The following ULK4 variants were observed in gnomAD, a reference collection of about 807,000 sequenced individuals.
ULK4 encodes the protein unc-51 like kinase 4.
ULK4 carries 133 observed loss-of-function variants against 160.6 expected under a neutral mutation model. The ratio of observed to expected loss-of-function variants is 0.83; its 90% CI spans 0.72 to 0.96. The LOEUF (loss-of-function observed/expected upper bound fraction) is 0.96. Among genes scored for constraint, ULK4 ranks in the 40% least tolerant of loss-of-function variants. The pLI is 0.00. For synonymous variants in ULK4, 534 were observed against 539.8 expected (o/e 0.99, Z 0.15); for missense variants, 1,580 against 1,499.5 (o/e 1.05, Z -0.89).
intron 36 of ULK4, 126 bp downstream of exon 36, chr3:41,249,363 C>T (rs1323904992): frequency 4.9e-6 from 4 of 821,226 alleles, no homozygotes; most frequent in East Asian, 2.8e-5. Context: ...TCTCAGTGGA[C>T]AGTGATGGGC....
rs114647128 is a variant in ULK4, at chr3:41,741,687, A to G, written c.2321+12674T>C. Among the ~76,000 whole-genome samples, 114 of 152,066 alleles carry G rather than the reference A, an allele frequency of 7.5e-4. 2 individuals carry two copies. The highest frequency in any genetic ancestry group is 2.7e-3 in the African/African-American group (110 of 41,340). ...ACCTTTTAAAAGGTTGCAGCAACTC[A>G]CATTTCCTCAAGCAGTATTTAAAAG... On this transcript the variant is annotated intron_variant, in intron 22 of 36. Coordinates refer to ENST00000301831, the MANE Select transcript of ULK4 (RefSeq NM_017886.4).
chr3:41,274,093 C>T (rs1384180894), intron 35 of ULK4, among the ~76,000 whole-genome samples: 2 of 152,134 alleles, frequency 1.3e-5, no homozygotes, highest in East Asian at 1.9e-4. Context: ...TGTAAACTCT[C>T]AAGGCAGTAA....
chr3:41,806,031 A>G (rs1313451468), intron 19 of ULK4, among the ~76,000 whole-genome samples: 65 of 143,582 alleles, frequency 4.5e-4, no homozygotes, highest in Admixed American at 1.7e-3. Flanking sequence ...CTCTTTTTCT[A>G]TTGATTGGAA....
intron 30 of ULK4, among the ~76,000 whole-genome samples, chr3:41,622,858 T>C (rs2033323389): frequency 6.6e-6 from 1 of 152,182 alleles, no homozygotes; most frequent in Non-Finnish European, 1.5e-5. Flanking sequence ...ATAGCCCAAA[T>C]ATTTCAGGCT....
At position 41,462,191 on chromosome 3, in the gene ULK4, T is replaced by C. The variant is rs372937873; in HGVS notation, c.3393+896A>G. Among the ~76,000 whole-genome samples, 90 of 152,318 alleles carry C rather than the reference T, an allele frequency of 5.9e-4. 1 individual carries two copies. The highest frequency in any genetic ancestry group is 2.0e-3 in the African/African-American group (84 of 41,572). Reference sequence around the variant, plus strand: ...TGTGGATAAAAGATATCATTTATCATAATGATGAATAACAGAGGCTATCCT... The same window carrying C: ...TGTGGATAAAAGATATCATTTATCACAATGATGAATAACAGAGGCTATCCT... On this transcript the variant is annotated intron_variant, in intron 33 of 36. Transcript: ENST00000301831.
chr3:41,880,123 A>AAAATAAATAAGTAAGTAAAAT (rs1697461168), intron 17 of ULK4, among the ~76,000 whole-genome samples: 2 of 152,180 alleles, frequency 1.3e-5, no homozygotes, highest in Non-Finnish European at 2.9e-5. Context: ...CAGTCACAAA[A>AAAATAAATAAGTAAGTAAAAT]AAAATTCCTT....
intron 31 of ULK4, among the ~76,000 whole-genome samples, chr3:41,570,355 C>T (rs2087928416): frequency 6.6e-6 from 1 of 152,150 alleles, no homozygotes; most frequent in South Asian, 2.1e-4. Flanking sequence ...AATGTGGAAG[C>T]AATGGTCTGC....
chr3:41,577,654 T>C (rs2088240594), intron 31 of ULK4, among the ~76,000 whole-genome samples: 1 of 151,758 alleles, frequency 6.6e-6, no homozygotes, highest in Admixed American at 6.6e-5. Flanking sequence ...ACCACCCTTC[T>C]ATTCTCTAGC....
chr3:41,620,295 G>A (rs578147362), intron 30 of ULK4, among the ~76,000 whole-genome samples: 2 of 152,198 alleles, frequency 1.3e-5, no homozygotes, highest in South Asian at 2.1e-4. Flanking sequence ...AAACCTGGCA[G>A]AGACACAACA....
chr3:41,747,681 G>T (rs541942327), intron 22 of ULK4, among the ~76,000 whole-genome samples: 49 of 152,176 alleles, frequency 3.2e-4, no homozygotes, highest in Non-Finnish European at 1.5e-4. Flanking sequence ...CACCATGTGG[G>T]GGGGCACCTA....
At chr3:41,461,980 C>A (rs993167022) in intron 33 of ULK4, among the ~76,000 whole-genome samples, 5 of 152,170 alleles carry the variant, frequency 3.3e-5, no homozygotes, top group Non-Finnish European at 7.4e-5. Context: ...CAATTATTTA[C>A]TGTTAATTTG....
At chr3:41,378,768 C>T (rs545358365) in intron 35 of ULK4, among the ~76,000 whole-genome samples, 3 of 150,654 alleles carry the variant, frequency 2.0e-5, no homozygotes, top group Non-Finnish European at 4.4e-5. Context: ...TACCCTAGAA[C>T]TTAAAGTATA....
chr3:41,919,606 TAA>T, intron 6 of ULK4, 109 bp downstream of exon 6: 1 of 900,208 alleles, frequency 1.1e-6, no homozygotes. Flanking sequence ...TGTCTCAAAA[TAA>T]AAAAAAATCT....
At position 41,645,184 on chromosome 3, in the gene ULK4, G is replaced by C. The variant is rs932068047; in HGVS notation, c.3071+18423C>G. Among the ~76,000 whole-genome samples the C allele has an allele frequency of 2.9e-3, 388 of 134,786 alleles. 3 individuals carry two copies. The highest frequency in any genetic ancestry group is 3.7e-3 in the East Asian group (19 of 5,158). 88.4% of individuals were successfully genotyped at this position (134,786 alleles called of 152,430 possible). ...AATTTTTTGAAGGGTTTTTTGTGTC[G>C]TATTTCCTTCAGTTCTGCTCTGATT... On this transcript the variant is annotated intron_variant, in intron 30 of 36. Coordinates refer to ENST00000301831, the MANE Select transcript of ULK4 (RefSeq NM_017886.4).
At chr3:41,909,902 A>ATT (rs200120076) in intron 11 of ULK4, among the ~76,000 whole-genome samples, 1 of 149,414 alleles carries the variant, frequency 6.7e-6, no homozygotes, top group African/African-American at 2.4e-5. Context: ...ATACTACTAA[A>ATT]TTTTTTTTTT....
At chr3:41,553,138 A>C (rs1481070084) in intron 32 of ULK4, among the ~76,000 whole-genome samples, 2 of 152,072 alleles carry the variant, frequency 1.3e-5, no homozygotes, top group Admixed American at 1.3e-4. Context: ...AAGACCAGAA[A>C]CCATAATATT....
intron 18 of ULK4, among the ~76,000 whole-genome samples, chr3:41,825,700 G>T (rs555368235): frequency 1.3e-5 from 2 of 152,336 alleles, no homozygotes; most frequent in African/African-American, 4.8e-5. Flanking sequence ...ACCTGAAAGT[G>T]ACAGGGAGAA....
intron 17 of ULK4, among the ~76,000 whole-genome samples, chr3:41,874,336 A>T (rs1348307022): frequency 6.6e-6 from 1 of 152,214 alleles, no homozygotes; most frequent in East Asian, 1.9e-4. Flanking sequence ...AAAAGCACAC[A>T]ATTTTCAGGA....
chr3:41,819,492 C>CA lies in ULK4; in HGVS notation c.1778_1779insT (p.Lys593AsnfsTer4). ...GAACAGCCCAGCACTCTCTAGGGTT[C>CA]TTTTTTTTTTCTTCCTAAAATGAAG... On this transcript the variant is annotated frameshift_variant, in exon 19 of 37. Transcript: ENST00000301831. LOFTEE classifies it high-confidence loss of function. 2.1e-6 allele frequency: 3 copies of CA among 1,460,888 alleles called. No homozygotes were observed. The highest frequency in any genetic ancestry group is 1.9e-6 in the Non-Finnish European group (2 of 1,079,818). The allele number at this position is 1,460,888 out of a possible 1,614,324, so 90.5% of individuals were successfully genotyped here.
Sources: allele counts gnomAD v4.1 joint callset (sites outside exome capture counted in the v4.1 genomes callset), GRCh38; gene constraint gnomAD v4.1.1; transcripts MANE v1.5; gene names NCBI Gene and HGNC (gene_info 2026-07-23, HGNC 2026-07-21).